RHOBTB3: variants seen among roughly 807,000 people sequenced by gnomAD.
The protein encoded by RHOBTB3 is rho-related BTB domain-containing protein 3.
In RHOBTB3, 47 loss-of-function variants were observed where a neutral mutation model predicts 67.2. The observed-to-expected ratio is 0.70, with a 90% CI of 0.55 to 0.89. The LOEUF (loss-of-function observed/expected upper bound fraction) is 0.89, where lower values mean the gene tolerates loss of function less well. Ranked by LOEUF, RHOBTB3 falls within the 40% of genes least tolerant of loss-of-function variation. RHOBTB3 has a pLI of 0.00. For synonymous variants in RHOBTB3, 273 were observed against 274.2 expected (o/e 1.00, Z 0.04); for missense variants, 631 against 750.0 (o/e 0.84, Z 1.85).
chr5:95,775,159 TTC>T (rs1399606066), intron 8 of RHOBTB3, among the ~76,000 whole-genome samples: 1 of 152,096 alleles, frequency 6.6e-6, no homozygotes, highest in African/African-American at 2.4e-5. Flanking sequence ...TCAAATTGCA[TTC>T]TCTCATGTAT....
chr5:95,737,872 C>A (rs887597598), intron 3 of RHOBTB3, among the ~76,000 whole-genome samples: 2 of 152,178 alleles, frequency 1.3e-5, no homozygotes, highest in African/African-American at 2.4e-5. Flanking sequence ...TCATGCTCTT[C>A]CCAGTTAATA....
intron 8 of RHOBTB3, among the ~76,000 whole-genome samples, chr5:95,776,701 G>A (rs1054628141): frequency 1.3e-5 from 2 of 152,186 alleles, no homozygotes; most frequent in Non-Finnish European, 2.9e-5. Context: ...TTGCTTGGAT[G>A]CATACTTACT....
At chr5:95,730,363 A>G (rs1755185463), upstream of RHOBTB3, among the ~76,000 whole-genome samples, 1 of 152,238 alleles carries the variant, frequency 6.6e-6, no homozygotes, top group South Asian at 2.1e-4. Context: ...TTAGAATTTT[A>G]ATACTGTATG....
intron 7 of RHOBTB3, among the ~76,000 whole-genome samples, chr5:95,765,996 G>A (rs745491522): frequency 2.0e-5 from 3 of 152,066 alleles, no homozygotes; most frequent in Non-Finnish European, 2.9e-5. Flanking sequence ...CTCGTTAAGC[G>A]TGGCGGTCAC....
At chr5:95,745,744 C>T (rs1744886976) in intron 3 of RHOBTB3, among the ~76,000 whole-genome samples, 1 of 152,126 alleles carries the variant, frequency 6.6e-6, no homozygotes. Context: ...CATTCAGAGT[C>T]ACGTGACCAT....
At chr5:95,760,554 A>G (rs772637409) in intron 6 of RHOBTB3, among the ~76,000 whole-genome samples, 2 of 152,232 alleles carry the variant, frequency 1.3e-5, no homozygotes, top group Non-Finnish European at 2.9e-5. Flanking sequence ...AGTTCTTAGA[A>G]TCATTCCGTG....
upstream of RHOBTB3, among the ~76,000 whole-genome samples, chr5:95,729,248 T>C (rs1755149093): frequency 6.6e-6 from 1 of 152,210 alleles, no homozygotes; most frequent in African/African-American, 2.4e-5. Context: ...AACTCTCTTT[T>C]GGAGTCAGGA....
intron 3 of RHOBTB3, among the ~76,000 whole-genome samples, chr5:95,743,468 G>A (rs1306911754): frequency 5.9e-5 from 9 of 152,034 alleles, no homozygotes; most frequent in Admixed American, 5.9e-4. Flanking sequence ...CTCTAGGTGT[G>A]GCTGCAGTGT....
Position 95,731,462 on chromosome 5 carries a change from C to T in RHOBTB3, c.-221C>T. On this transcript the variant is annotated 5_prime_UTR_variant, in exon 1 of 12. Transcript: ENST00000379982. ...TTCCCGGGCACTCCCTGAGTAGCGG[C>T]AGCTTATCCCCCGCCCGCTAGCCCG... The T allele has an allele frequency of 5.8e-6, 7 of 1,215,594 alleles. No individual in the cohort carries two copies. The highest frequency in any genetic ancestry group is 7.1e-6 in the Non-Finnish European group (7 of 980,796). The allele number at this position is 1,215,594 out of a possible 1,614,324, so 75.3% of individuals were successfully genotyped here.
chr5:95,731,500 G>A lies in RHOBTB3; in HGVS notation c.-183G>A. Reference sequence around the variant, plus strand: ...GCCCGCTAGCCCGCCCTGGTCCCCGGCTCGCTCGCTGGCTGGCGCGGCCCC... The same window carrying A: ...GCCCGCTAGCCCGCCCTGGTCCCCGACTCGCTCGCTGGCTGGCGCGGCCCC... On this transcript the variant is annotated 5_prime_UTR_variant, in exon 1 of 12. Coordinates refer to ENST00000379982, the MANE Select transcript of RHOBTB3 (RefSeq NM_014899.4). 1 of 1,245,982 alleles carries A rather than the reference G, an allele frequency of 8.0e-7. No homozygotes were observed. The highest frequency in any genetic ancestry group is 1.0e-6 in the Non-Finnish European group (1 of 998,880). The allele number at this position is 1,245,982 out of a possible 1,614,324, so 77.2% of individuals were successfully genotyped here.
chr5:95,770,092 T>G (rs1050447387), intron 8 of RHOBTB3: 1 of 286,592 alleles, frequency 3.5e-6, no homozygotes, highest in African/African-American at 2.3e-5. Context: ...TTAAAGGAAA[T>G]GGTGACAAGT....
chr5:95,767,878 A>G, intron 7 of RHOBTB3, 168 bp from the exon 8 acceptor site: 1 of 732,734 alleles, frequency 1.4e-6, no homozygotes, highest in Non-Finnish European at 2.5e-6. Context: ...GGCAGCCCAT[A>G]CAGTTCTTAA....
At chr5:95,789,079 T>G in intron 11 of RHOBTB3, 2 of 435,044 alleles carry the variant, frequency 4.6e-6, no homozygotes. Flanking sequence ...TAATGATTAT[T>G]TTATAGCTCC....
intron 6 of RHOBTB3, among the ~76,000 whole-genome samples, chr5:95,757,232 G>A (rs747751877): frequency 4.6e-5 from 7 of 152,084 alleles, no homozygotes; most frequent in Non-Finnish European, 1.0e-4. Context: ...AGTCATTTTA[G>A]CAAATGAATT....
At chr5:95,775,024 A>T (rs998817691) in intron 8 of RHOBTB3, among the ~76,000 whole-genome samples, 1 of 152,200 alleles carries the variant, frequency 6.6e-6, no homozygotes, top group Admixed American at 6.5e-5. Flanking sequence ...ACATGATGGT[A>T]GAGCAGAGAT....
chr5:95,783,996 T>G (rs1746146304), intron 10 of RHOBTB3, 33 bp downstream of exon 10: 4 of 1,489,062 alleles, frequency 2.7e-6, no homozygotes, highest in Non-Finnish European at 3.6e-6. Flanking sequence ...TAGCCTAGTT[T>G]TTTATAAAAT....
intron 6 of RHOBTB3, among the ~76,000 whole-genome samples, chr5:95,761,023 G>T (rs1217682456): frequency 6.6e-6 from 1 of 152,152 alleles, no homozygotes; most frequent in Non-Finnish European, 1.5e-5. Context: ...CTTCCTGTGT[G>T]TGTTCTCAGA....
intron 3 of RHOBTB3, among the ~76,000 whole-genome samples, chr5:95,747,894 G>T (rs1232590849): frequency 3.3e-5 from 5 of 152,240 alleles, no homozygotes; most frequent in Middle Eastern, 3.4e-3. Context: ...GAAGTGTAAG[G>T]TTTACTCAAA....
intron 2 of RHOBTB3, 84 bp from the exon 3 acceptor site, chr5:95,736,805 A>G (rs1020116763): frequency 1.1e-6 from 1 of 911,728 alleles, no homozygotes; most frequent in African/African-American, 1.7e-5. Context: ...TTTTTTATGA[A>G]TTCCAAAAAT....
Sources: allele counts gnomAD v4.1 joint callset (sites outside exome capture counted in the v4.1 genomes callset), GRCh38; gene constraint gnomAD v4.1.1; transcripts MANE v1.5; gene names NCBI Gene and HGNC (gene_info 2026-07-23, HGNC 2026-07-21).